The following SLC15A2 variants were observed in gnomAD, a reference collection of about 807,000 sequenced individuals.
The protein encoded by SLC15A2 is kidney H(+)/peptide cotransporter.
Under a neutral mutation model 95.5 loss-of-function variants are expected in SLC15A2, and 77 were observed. That is an observed-to-expected ratio of 0.81 (90% CI 0.67 to 0.97). The LOEUF (loss-of-function observed/expected upper bound fraction) is 0.97, where lower values mean the gene tolerates loss of function less well. Among genes scored for constraint, SLC15A2 ranks in the 50% least tolerant of loss-of-function variants. The pLI, the probability that SLC15A2 is intolerant of heterozygous loss-of-function variation, is 0.00. For synonymous variants in SLC15A2, 306 were observed against 306.9 expected (o/e 1.00, Z 0.03); for missense variants, 893 against 874.4 (o/e 1.02, Z -0.27).
chr3:121,895,950 C>T (rs930121216), intron 1 of SLC15A2, among the ~76,000 whole-genome samples: 1 of 152,212 alleles, frequency 6.6e-6, no homozygotes, highest in African/African-American at 2.4e-5. Flanking sequence ...GGATTCCTCC[C>T]AGCATGGCAA....
At chr3:121,930,696 C>A (rs978880082) in intron 17 of SLC15A2, 144 bp from the exon 18 acceptor site, 5 of 583,744 alleles carry the variant, frequency 8.6e-6, no homozygotes, top group African/African-American at 5.6e-5. Flanking sequence ...TAACAATATA[C>A]ATTAGGTACC....
rs200399894 is a variant in SLC15A2, at chr3:121,917,014, G to T, written c.697+1321G>T. ...TTTTTGTATTTTTAGTAGAGACAGG[G>T]TTTCACCGTGTTAGCCAGGATGGTC... On this transcript the variant is annotated intron_variant, in intron 7 of 21. Transcript: ENST00000489711. Among the ~76,000 whole-genome samples, 59 of 152,112 alleles carry T rather than the reference G, an allele frequency of 3.9e-4. No individual in the cohort carries two copies. The East Asian group carries it at 0.01, about 26-fold the overall frequency.
Position 121,922,913 on chromosome 3 carries a change from G to A in SLC15A2, c.867+52G>A, listed in dbSNP as rs376430631. On this transcript the variant is annotated intron_variant, in intron 9 of 21. Coordinates refer to ENST00000489711, the MANE Select transcript of SLC15A2 (RefSeq NM_021082.4). ...ATGGCTTGATAGAGTCTTTCCTAAT[G>A]TTCAAAATGATTCTATCCTACTGCA... 18 of 1,565,038 alleles carry A rather than the reference G, an allele frequency of 1.2e-5. No homozygotes were observed. In the African/African-American group the frequency reaches 2.0e-4, roughly 18 times the overall value.
At chr3:121,896,539 T>G (rs1709416869) in intron 2 of SLC15A2, 46 bp downstream of exon 2, 5 of 1,417,730 alleles carry the variant, frequency 3.5e-6, no homozygotes, top group African/African-American at 1.4e-5. Context: ...CCACCCACCC[T>G]CACCCCATGT....
At chr3:121,919,465 T>C (rs28481518) in intron 7 of SLC15A2, among the ~76,000 whole-genome samples, 126 of 152,058 alleles carry the variant, frequency 8.3e-4, no homozygotes, top group African/African-American at 3.0e-3. Flanking sequence ...TTAGTGTGGG[T>C]TTTTTATGGG....
At chr3:121,930,266 C>T (rs1463175884) in intron 17 of SLC15A2, among the ~76,000 whole-genome samples, 1 of 152,032 alleles carries the variant, frequency 6.6e-6, no homozygotes, top group Admixed American at 6.6e-5. Flanking sequence ...ATCTAGGTGC[C>T]AGGTTCAGAA....
At position 121,925,030 on chromosome 3, in the gene SLC15A2, T is replaced by C. The variant is rs770259826; in HGVS notation, c.1121T>C (p.Phe374Ser). 6 of 1,604,656 alleles carry C rather than the reference T, an allele frequency of 3.7e-6. No homozygotes were observed. The African/African-American group carries it at 6.7e-5, about 18-fold the overall frequency. ...YRLVSKCGIN[F>S]SSLRKMAVGM... ...CTGGTCTCCAAGTGTGGAATTAACT[T>C]CTCGTAAGTGTTCACTATGTCTGTA... The change falls in exon 13 of 22, where the codon TTC (phenylalanine) becomes TCC (serine). Residue 374 changes from phenylalanine to serine, a missense_variant. Transcript: ENST00000489711.
chr3:121,907,657 C>G (rs1275955874), intron 3 of SLC15A2, among the ~76,000 whole-genome samples: 3 of 152,184 alleles, frequency 2.0e-5, no homozygotes, highest in Non-Finnish European at 4.4e-5. Flanking sequence ...CACTCCAGAC[C>G]CTGTTTGCCT....
chr3:121,894,452 A>C lies in SLC15A2; in HGVS notation c.-25A>C. 1 of 1,483,918 alleles carries C rather than the reference A, an allele frequency of 6.7e-7. No homozygotes were observed. Among genetic ancestry groups the C allele is most frequent in the Non-Finnish European group, 9.3e-7 (1 of 1,076,556 alleles). The allele number at this position is 1,483,918 out of a possible 1,614,324, so 91.9% of individuals were successfully genotyped here. A position where few individuals can be genotyped will look rare whatever the true frequency, so the allele number is the denominator to read the frequency against. On this transcript the variant is annotated 5_prime_UTR_variant, in exon 1 of 22. Coordinates refer to ENST00000489711, the MANE Select transcript of SLC15A2 (RefSeq NM_021082.4). ...GCCTACTAAAGCCAAATGCTTGAGG[A>C]GAGAGAGAGAGTAAGGAGCCAGCCA...
rs1012122053 is a variant in SLC15A2, at chr3:121,940,553, CT to C, written c.2013+68del. On this transcript the variant is annotated intron_variant, in intron 21 of 21. Transcript: ENST00000489711. ...TTTTTCCTCCAGCTTTCTCTTCTCC[CT>C]TTCCCCCATCTCTCTGCTTCCCACA... The C allele has an allele frequency of 2.6e-5, 34 of 1,320,094 alleles. No homozygotes were observed. In the African/African-American group the frequency reaches 4.8e-4, roughly 18 times the overall value. The allele number at this position is 1,320,094 out of a possible 1,614,324, so 81.8% of individuals were successfully genotyped here.
At chr3:121,924,295 C>CG (rs1710066919) in intron 11 of SLC15A2, 56 bp from the exon 12 acceptor site, 1 of 1,217,660 alleles carries the variant, frequency 8.2e-7, no homozygotes, top group African/African-American at 1.8e-5. Flanking sequence ...TCTAGGCCAA[C>CG]ATTTTTTTTT....
At chr3:121,931,493 T>TC in intron 18 of SLC15A2, 146 bp from the exon 19 acceptor site, 1 of 556,546 alleles carries the variant, frequency 1.8e-6, no homozygotes, top group Non-Finnish European at 3.2e-6. Flanking sequence ...AATAACCTAC[T>TC]CCAAGAAACA....
At position 121,940,757 on chromosome 3, in the gene SLC15A2, C is replaced by T. The variant is rs1306026729; in HGVS notation, c.2014-74C>T. 12 of 1,482,668 alleles carry T rather than the reference C, an allele frequency of 8.1e-6. No homozygotes were observed. In the Admixed American group the frequency reaches 1.4e-4, roughly 17 times the overall value. 91.8% of individuals were successfully genotyped at this position (1,482,668 alleles called of 1,614,324 possible). On this transcript the variant is annotated intron_variant, in intron 21 of 21. Coordinates refer to ENST00000489711, the MANE Select transcript of SLC15A2 (RefSeq NM_021082.4). Reference sequence around the variant, plus strand: ...GGTGATCCCAGGTCAGTCTGCTCCCCACTCCTCATCCTGTAAAGATCTCTT... The same window carrying T: ...GGTGATCCCAGGTCAGTCTGCTCCCTACTCCTCATCCTGTAAAGATCTCTT...
rs151316965 is a variant in SLC15A2, at chr3:121,923,547, T to A, written c.1002+281T>A. 2.6e-3 allele frequency among the ~76,000 whole-genome samples: 403 copies of A among 152,282 alleles called. 2 individuals carry two copies. The highest frequency in any genetic ancestry group is 9.3e-3 in the African/African-American group (386 of 41,550). On this transcript the variant is annotated intron_variant, in intron 11 of 21. Coordinates refer to ENST00000489711, the MANE Select transcript of SLC15A2 (RefSeq NM_021082.4). ...TGATGTGATGCGTAACCTGGGATAG[T>A]GATTTTCTTCTGTCTAAGCCTATCC...
Position 121,941,149 on chromosome 3 carries a change from C to T in SLC15A2, c.*142C>T, listed in dbSNP as rs1710457584. 2.7e-6 allele frequency: 2 copies of T among 732,464 alleles called. No individual in the cohort carries two copies. 45.4% of individuals were successfully genotyped at this position (732,464 alleles called of 1,614,324 possible). A position where few individuals can be genotyped will look rare whatever the true frequency, so the allele number is the denominator to read the frequency against. ...TTCTCCAATGACAGAAGTTCCAGGA[C>T]TGGTTTTCCAGTACATCTTTAAACA... On this transcript the variant is annotated 3_prime_UTR_variant, in exon 22 of 22. Coordinates refer to ENST00000489711, the MANE Select transcript of SLC15A2 (RefSeq NM_021082.4).
At chr3:121,931,801 G>A (rs1576689822) in intron 19 of SLC15A2, 66 bp downstream of exon 19, 2 of 932,258 alleles carry the variant, frequency 2.1e-6, no homozygotes, top group East Asian at 2.5e-5. Flanking sequence ...GATCCTCTAG[G>A]CAGGGGCAGA....
intron 14 of SLC15A2, among the ~76,000 whole-genome samples, chr3:121,928,078 T>A (rs1710157065): frequency 6.6e-6 from 1 of 152,188 alleles, no homozygotes; most frequent in Non-Finnish European, 1.5e-5. Flanking sequence ...AACACTAATA[T>A]CCAAGAGAGC....
chr3:121,910,800 T>C (rs1056116795), intron 3 of SLC15A2, among the ~76,000 whole-genome samples: 3 of 152,216 alleles, frequency 2.0e-5, no homozygotes, highest in African/African-American at 7.2e-5. Context: ...CATATTTCAA[T>C]GTGTGAATCT....
intron 3 of SLC15A2, among the ~76,000 whole-genome samples, chr3:121,904,247 T>G (rs935113563): frequency 2.0e-5 from 3 of 152,226 alleles, no homozygotes; most frequent in South Asian, 2.1e-4. Context: ...AAGGAGATTT[T>G]GGGCTGAGAC....
Sources: allele counts gnomAD v4.1 joint callset (sites outside exome capture counted in the v4.1 genomes callset), GRCh38; gene constraint gnomAD v4.1.1; transcripts MANE v1.5; gene names NCBI Gene and HGNC (gene_info 2026-07-23, HGNC 2026-07-21).